FABP6: variants seen among roughly 807,000 people sequenced by gnomAD.
The protein encoded by FABP6 is fatty acid binding protein 6, also known as gastrotropin.
A neutral mutation model predicts 14.9 loss-of-function variants in FABP6; 13 were observed. That is an observed-to-expected ratio of 0.87 (90% CI 0.57 to 1.39). FABP6 has a LOEUF of 1.39. Ranked by LOEUF, FABP6 falls within the 40% of genes most tolerant of loss-of-function variation. FABP6 has a pLI of 0.00. For synonymous variants in FABP6, 75 were observed against 63.6 expected (o/e 1.18, Z -0.85); for missense variants, 161 against 167.2 (o/e 0.96, Z 0.20).
chr5:160,194,490 A>G (rs1759470726), intron 1 of FABP6, among the ~76,000 whole-genome samples: 2 of 152,172 alleles, frequency 1.3e-5, no homozygotes. Context: ...GCAGTGAGCC[A>G]TGATTGCACC....
Position 160,211,000 on chromosome 5 carries a change from T to C in FABP6, c.52-2736T>C, listed in dbSNP as rs17057522. ...TGACTTTCTTCTGAAGCAATATCTTTCAAGGGTCATGGGCTGCTTTGGTAG... is the reference window on the plus strand; with the variant it reads ...TGACTTTCTTCTGAAGCAATATCTTCCAAGGGTCATGGGCTGCTTTGGTAG... On this transcript the variant is annotated intron_variant, in intron 2 of 6. Transcript: ENST00000393980. 6.4e-3 allele frequency among the ~76,000 whole-genome samples: 968 copies of C among 152,306 alleles called. 15 individuals carry two copies. The highest frequency in any genetic ancestry group is 0.022 in the African/African-American group (929 of 41,572).
chr5:160,208,660 G>T (rs1412538075), intron 2 of FABP6, among the ~76,000 whole-genome samples: 3 of 152,190 alleles, frequency 2.0e-5, no homozygotes, highest in Admixed American at 6.5e-5. Flanking sequence ...AGGCACTGTG[G>T]CTTATGCCTA....
At chr5:160,238,459 A>C in intron 3 of FABP6, 147 bp from the exon 4 acceptor site, 1 of 648,498 alleles carries the variant, frequency 1.5e-6, no homozygotes, top group East Asian at 2.8e-5. Flanking sequence ...CTCCTGGAAC[A>C]AATTGGGAAA....
At chr5:160,218,068 C>T (rs1300249957) in intron 3 of FABP6, among the ~76,000 whole-genome samples, 1 of 151,432 alleles carries the variant, frequency 6.6e-6, no homozygotes, top group Non-Finnish European at 1.5e-5. Context: ...CCTCGAGTAG[C>T]AGGGGGACTA....
At chr5:160,205,419 C>T (rs747163051) in intron 2 of FABP6, among the ~76,000 whole-genome samples, 4 of 151,924 alleles carry the variant, frequency 2.6e-5, no homozygotes, top group Non-Finnish European at 5.9e-5. Context: ...AACAGACATG[C>T]CTGCACAAGT....
intron 2 of FABP6, among the ~76,000 whole-genome samples, chr5:160,212,207 T>G (rs1759907923): frequency 6.6e-6 from 1 of 152,044 alleles, no homozygotes; most frequent in Non-Finnish European, 1.5e-5. Context: ...CAGGCTGGAG[T>G]GCAGTGTCAC....
intron 3 of FABP6, among the ~76,000 whole-genome samples, chr5:160,217,782 A>C (rs1309219565): frequency 6.6e-6 from 1 of 152,048 alleles, no homozygotes; most frequent in Non-Finnish European, 1.5e-5. Context: ...GACTACAGAC[A>C]CATGCCACCA....
chr5:160,196,126 T>C (rs1303593243), intron 1 of FABP6, among the ~76,000 whole-genome samples: 1 of 152,190 alleles, frequency 6.6e-6, no homozygotes, highest in African/African-American at 2.4e-5. Context: ...TTACAGGGTG[T>C]CTACTGGATC....
intron 1 of FABP6, among the ~76,000 whole-genome samples, chr5:160,188,645 T>G (rs80123724): frequency 0.17 from 25,159 of 152,192 alleles, 2,090 homozygotes; most frequent in Middle Eastern, 0.22. Context: ...ACCCCCGACT[T>G]TGGCCGGCTT....
chr5:160,205,745 T>C (rs533762995), intron 2 of FABP6, among the ~76,000 whole-genome samples: 48 of 152,324 alleles, frequency 3.2e-4, no homozygotes, highest in African/African-American at 1.1e-3. Flanking sequence ...CATTGGATTC[T>C]GTAATGTGAG....
At chr5:160,218,234 C>T (rs1041338319) in intron 3 of FABP6, among the ~76,000 whole-genome samples, 8 of 152,056 alleles carry the variant, frequency 5.3e-5, no homozygotes. Context: ...GCTGAACTCA[C>T]TTAACATTAG....
chr5:160,227,850 GTCTGTC>G (rs369455562), upstream of FABP6, among the ~76,000 whole-genome samples: 5 of 147,590 alleles, frequency 3.4e-5, no homozygotes, highest in Middle Eastern at 3.3e-3. Context: ...GTGTGTGTGT[GTCTGTC>G]TGTCTGTCTG....
At chr5:160,213,615 C>T (rs992017253) in intron 2 of FABP6, 3 of 801,782 alleles carry the variant, frequency 3.7e-6, no homozygotes, top group Non-Finnish European at 6.4e-6. Context: ...AATCAGTTTC[C>T]ATTGCTTGCA....
chr5:160,220,063 G>A (rs1760099184), intron 3 of FABP6, among the ~76,000 whole-genome samples: 1 of 152,284 alleles, frequency 6.6e-6, no homozygotes, highest in East Asian at 1.9e-4. Context: ...AATGCAGCTT[G>A]AGGCCTGGAA....
In FABP6 at chr5:160,238,661, C is replaced by T. The variant is rs1436195090; in HGVS notation, c.*2C>T. 3.1e-6 allele frequency: 5 copies of T among 1,613,686 alleles called. No homozygotes were observed. In the South Asian group the frequency reaches 4.4e-5, roughly 14 times the overall value. ...CGCGTGAGCAAGAGACTGGCCTAAG[C>T]AGCCAGGCCCGGCCCAGGGAGCTAC... is the stretch of plus-strand genomic sequence containing the variant. On this transcript the variant is annotated 3_prime_UTR_variant, in exon 4 of 4. Coordinates refer to ENST00000402432, the MANE Select transcript of FABP6 (RefSeq NM_001445.3).
chr5:160,193,620 ATCCACACAAAGGTTC>A (rs1227618745), intron 1 of FABP6, among the ~76,000 whole-genome samples: 1 of 152,124 alleles, frequency 6.6e-6, no homozygotes, highest in Non-Finnish European at 1.5e-5. Context: ...GATACAGAGT[ATCCACACAAAGGTTC>A]TCCAAGGCCC....
At chr5:160,226,301 G>T (rs945330228), upstream of FABP6, among the ~76,000 whole-genome samples, 2 of 151,678 alleles carry the variant, frequency 1.3e-5, no homozygotes, top group Admixed American at 1.3e-4. Context: ...GGTGGCTCAC[G>T]CCTGTAGTTC....
At chr5:160,188,045 AC>A (rs1353692391) in intron 1 of FABP6, among the ~76,000 whole-genome samples, 1 of 117,280 alleles carries the variant, frequency 8.5e-6, no homozygotes, top group Admixed American at 9.7e-5. Flanking sequence ...AGCCACTGAG[AC>A]CCCGGCCTGC....
At chr5:160,206,824 A>C (rs1759778075) in intron 2 of FABP6, among the ~76,000 whole-genome samples, 1 of 152,224 alleles carries the variant, frequency 6.6e-6, no homozygotes, top group Non-Finnish European at 1.5e-5. Context: ...GGTCAAGTCC[A>C]GGGTGGCTTG....
Sources: gnomAD v4.1 joint callset for allele counts (sites outside exome capture counted in the v4.1 genomes callset) on GRCh38, gnomAD v4.1.1 for gene constraint, MANE v1.5 for transcripts, NCBI Gene and HGNC (gene_info 2026-07-23, HGNC 2026-07-21) for gene names.